ARSF: variants seen among roughly 807,000 people sequenced by gnomAD.
The protein encoded by ARSF is arylsulfatase F.
In ARSF, 33 loss-of-function variants were observed where a neutral mutation model predicts 35.4. The observed-to-expected ratio is 0.93, with a 90% confidence interval of 0.71 to 1.25. The LOEUF (loss-of-function observed/expected upper bound fraction) is 1.25. Among genes scored for constraint, ARSF ranks in the 50% most tolerant of loss-of-function variants. The probability of loss-of-function intolerance (pLI) is 0.00; values close to 1 mark genes in which losing one functional copy is unlikely to be tolerated. For missense variants in ARSF, 501 were observed against 480.2 expected (o/e 1.04, Z -0.40); for synonymous variants, 222 against 193.1 (o/e 1.15, Z -1.24).
intron 5 of ARSF, among the ~76,000 whole-genome samples, chrX:3,081,654 C>T (rs1449259200): frequency 9.0e-6 from 1 of 111,483 alleles, no homozygotes; most frequent in Non-Finnish European, 1.9e-5. Flanking sequence ...TCACACAGCT[C>T]AGTGATAGGA....
At chrX:3,048,311 TAAG>T (rs1174525453) in intron 1 of ARSF, among the ~76,000 whole-genome samples, 1 of 112,244 alleles carries the variant, frequency 8.9e-6, no homozygotes, top group African/African-American at 3.2e-5. Context: ...GCTACAAAGA[TAAG>T]AAGCTACATA....
chrX:3,046,280 G>A (rs756116647), intron 1 of ARSF, among the ~76,000 whole-genome samples: 118 of 111,746 alleles, frequency 1.1e-3, no homozygotes, highest in Non-Finnish European at 2.0e-3. Context: ...TTTCCCATTG[G>A]CACAGCTGCC....
intron 1 of ARSF, among the ~76,000 whole-genome samples, chrX:3,053,060 C>T (rs376323343): frequency 3.2e-4 from 36 of 111,328 alleles, no homozygotes; most frequent in African/African-American, 1.0e-3. Flanking sequence ...GGCAGAAAAT[C>T]GGTTTCCTGG....
chrX:3,076,802 C>T (rs2090155889), intron 4 of ARSF, 133 bp downstream of exon 4: 13 of 932,797 alleles, frequency 1.4e-5, no homozygotes, highest in Admixed American at 1.0e-4. Context: ...CCCAGAACTT[C>T]GGGAGGCCAA....
At chrX:3,066,008 C>T (rs2090064420) in intron 1 of ARSF, among the ~76,000 whole-genome samples, 1 of 111,214 alleles carries the variant, frequency 9.0e-6, no homozygotes, top group Admixed American at 9.7e-5. Context: ...GAGGATCACT[C>T]GAGCCTGGAA....
intron 6 of ARSF, among the ~76,000 whole-genome samples, chrX:3,086,586 G>T (rs772430792): frequency 8.9e-6 from 1 of 111,767 alleles, no homozygotes; most frequent in Non-Finnish European, 1.9e-5. Flanking sequence ...GGAGGCTGAG[G>T]TAAGCGATCA....
At chrX:3,064,167 G>T (rs1440092094) in intron 1 of ARSF, among the ~76,000 whole-genome samples, 1 of 111,943 alleles carries the variant, frequency 8.9e-6, no homozygotes, top group African/African-American at 3.2e-5. Flanking sequence ...ACCACCATCT[G>T]ATCTTTGACA....
chrX:3,108,434 G>C (rs1429926901), intron 9 of ARSF, among the ~76,000 whole-genome samples: 1 of 111,566 alleles, frequency 9.0e-6, no homozygotes, highest in African/African-American at 3.3e-5. Flanking sequence ...AATAAATATA[G>C]TTCATTTCTC....
intron 1 of ARSF, among the ~76,000 whole-genome samples, chrX:3,052,181 G>A (rs181326838): frequency 4.5e-5 from 5 of 111,639 alleles, no homozygotes; most frequent in East Asian, 5.6e-4. Context: ...TTATAACACC[G>A]AGCTTCTGCT....
intron 1 of ARSF, among the ~76,000 whole-genome samples, chrX:3,045,644 C>T (rs2089971778): frequency 9.3e-6 from 1 of 107,525 alleles, no homozygotes; most frequent in South Asian, 4.3e-4. Flanking sequence ...CAACCTCCAC[C>T]TCCCGGGTTC....
chrX:3,094,481 T>C (rs895408713), intron 7 of ARSF, among the ~76,000 whole-genome samples: 2 of 112,465 alleles, frequency 1.8e-5, no homozygotes, highest in African/African-American at 3.2e-5. Context: ...GATACCACCC[T>C]TGCCCCACCC....
intron 5 of ARSF, among the ~76,000 whole-genome samples, chrX:3,082,739 G>C (rs2090211717): frequency 9.1e-6 from 1 of 110,367 alleles, no homozygotes. Context: ...TTACATCTAT[G>C]TCTCTATTGA....
rs182374072 is a variant in ARSF, at chrX:3,092,952, A to C, written c.967+3320A>C. Among the ~76,000 whole-genome samples, 80 of 111,839 alleles carry C rather than the reference A, an allele frequency of 7.2e-4. 1 individual carries two copies. The highest frequency in any genetic ancestry group is 2.2e-3 in the South Asian group (6 of 2,668). ...CTTTGGGAGGCCAAGGCGGGTGGAT[A>C]ACGAGTTCAGGCAATCAAAACCATC... On this transcript the variant is annotated intron_variant, in intron 7 of 10. Coordinates refer to ENST00000381127, the MANE Select transcript of ARSF (RefSeq NM_001201539.2).
At chrX:3,040,569 G>C (rs542946886), upstream of ARSF, among the ~76,000 whole-genome samples, 46 of 111,230 alleles carry the variant, frequency 4.1e-4, no homozygotes, top group South Asian at 0.017. Flanking sequence ...TGCCACTTTT[G>C]TGGCATAATT....
chrX:3,057,663 G>A (rs1387727580), intron 1 of ARSF, among the ~76,000 whole-genome samples: 1 of 111,806 alleles, frequency 8.9e-6, no homozygotes, highest in African/African-American at 3.2e-5. Context: ...TCCTAGAAGA[G>A]GGGACATTAT....
Position 3,084,650 on chromosome X carries a change from A to G in ARSF, c.814A>G (p.Ile272Val), listed in dbSNP as rs1282319687. 1.7e-6 allele frequency: 2 copies of G among 1,162,353 alleles called. No individual in the cohort carries two copies. Among genetic ancestry groups the G allele is most frequent in the East Asian group, 6.0e-5 (2 of 33,346 alleles). ...TGGATCCATTATGGTGAAGGAAGCG[A>G]TTTCCTTTTTAGAAAGGTAAGCGGA... ...RAGSIMVKEA[I>V]SFLERHSKET... Residue 272 changes from isoleucine (I) to valine (V), a missense_variant, in exon 6 of 11, where the codon ATT (isoleucine) becomes GTT (valine). Physicochemically the swap from Ile to Val is conservative, Grantham distance 29. Coordinates refer to ENST00000381127, the MANE Select transcript of ARSF (RefSeq NM_001201539.2).
intron 1 of ARSF, among the ~76,000 whole-genome samples, chrX:3,049,298 G>C (rs753477683): frequency 8.3e-4 from 89 of 106,723 alleles, no homozygotes; most frequent in Non-Finnish European, 1.4e-3. Context: ...CATTCTTTTC[G>C]GTCTTTGATC....
rs112461718 is a variant in ARSF, at chrX:3,084,434, A to G, written c.598A>G (p.Ile200Val). Residue 200 changes from isoleucine to valine, a missense_variant, in exon 6 of 11, where the codon ATC becomes GTC. Coordinates refer to ENST00000381127, the MANE Select transcript of ARSF (RefSeq NM_001201539.2). The part of the protein sequence containing the change: ...WLCVQLVAIA[I>V]LTLTFGKLSG... ...CTGTGTGCAGCTAGTTGCCATTGCC[A>G]TCCTCACCCTAACCTTTGGGAAGCT... The G allele has an allele frequency of 0.035, 42,108 of 1,209,469 alleles. 562 individuals carry two copies. Among genetic ancestry groups the G allele is most frequent in the Non-Finnish European group, 0.041 (37,000 of 895,148 alleles).
In ARSF at chrX:3,111,614, T is replaced by C. The variant is rs762213041; in HGVS notation, c.1391-560T>C. On this transcript the variant is annotated intron_variant, in intron 10 of 10. Coordinates refer to ENST00000381127, the MANE Select transcript of ARSF (RefSeq NM_001201539.2). ...CACCAGGGACCAGTTTTGTAAAAGA[T>C]AATTTTTCTGCAGACTGGGGTGGGG... Among the ~76,000 whole-genome samples, 4 of 111,328 alleles carry C rather than the reference T, an allele frequency of 3.6e-5. No individual in the cohort carries two copies. The Admixed American group carries it at 3.9e-4, about 11-fold the overall frequency.
Sources: gnomAD v4.1 joint callset for allele counts (sites outside exome capture counted in the v4.1 genomes callset) on GRCh38, gnomAD v4.1.1 for gene constraint, MANE v1.5 for transcripts, NCBI Gene and HGNC (gene_info 2026-07-23, HGNC 2026-07-21) for gene names.